The following TENT2 variants were observed in gnomAD, a reference collection of about 807,000 sequenced individuals.
The protein encoded by TENT2 is terminal nucleotidyltransferase 2.
Under a neutral mutation model 72.2 loss-of-function variants are expected in TENT2, and 44 were observed. The observed-to-expected ratio is 0.61, with a 90% CI of 0.48 to 0.78. The LOEUF (loss-of-function observed/expected upper bound fraction) is 0.78. Among genes scored for constraint, TENT2 ranks in the 30% least tolerant of loss-of-function variants. The pLI, the probability that TENT2 is intolerant of heterozygous loss-of-function variation, is 0.00. For synonymous variants in TENT2, 212 were observed against 192.5 expected (o/e 1.10, Z -0.84); for missense variants, 541 against 569.6 (o/e 0.95, Z 0.51).
chr5:79,679,126 G>C (rs1008364000), intron 12 of TENT2, among the ~76,000 whole-genome samples: 3 of 152,062 alleles, frequency 2.0e-5, no homozygotes, highest in Non-Finnish European at 4.4e-5. Context: ...GGCTGGTCTT[G>C]AACTCTTAAC....
intron 12 of TENT2, among the ~76,000 whole-genome samples, chr5:79,677,708 C>G (rs941634037): frequency 2.0e-5 from 3 of 152,124 alleles, no homozygotes; most frequent in African/African-American, 7.2e-5. Flanking sequence ...ACCTTGTTTG[C>G]TTCAGGTTTG....
chr5:79,623,238 T>C lies in TENT2; in HGVS notation c.228-14T>C, dbSNP rs1436297608. The C allele has an allele frequency of 6.3e-7, 1 of 1,593,142 alleles. No homozygotes were observed. Among genetic ancestry groups the C allele is most frequent in the Admixed American group, 1.7e-5 (1 of 57,600 alleles). On this transcript the variant is annotated splice_polypyrimidine_tract_variant and intron_variant, in intron 3 of 14. Transcript: ENST00000453514. The stretch of plus-strand genomic sequence containing the variant: ...TTGTATCTTTAATTACTAAGGTATA[T>C]TGCTTGTTTTCAGGAGATTAAGCGA...
chr5:79,632,201 G>C lies in TENT2; in HGVS notation c.466-8650G>C, dbSNP rs567860570. Among the ~76,000 whole-genome samples the C allele has an allele frequency of 2.0e-5, 3 of 152,308 alleles. No individual in the cohort carries two copies. In the South Asian group the frequency reaches 6.2e-4, roughly 32 times the overall value. ...ATGAATTCATTAATAATAATAGTGA[G>C]TCAGTCAGCTGAATCTGCCAGCTCC... On this transcript the variant is annotated intron_variant, in intron 4 of 14. Transcript: ENST00000453514.
intron 7 of TENT2, among the ~76,000 whole-genome samples, chr5:79,643,873 T>C (rs1365724066): frequency 1.3e-5 from 2 of 152,172 alleles, no homozygotes; most frequent in South Asian, 2.1e-4. Flanking sequence ...GTAACTTGCC[T>C]GGAGTATAGT....
At chr5:79,621,903 T>C (rs1164710961) in intron 3 of TENT2, among the ~76,000 whole-genome samples, 1 of 152,228 alleles carries the variant, frequency 6.6e-6, no homozygotes, top group Non-Finnish European at 1.5e-5. Flanking sequence ...AAATATACTT[T>C]TATGCATTTA....
chr5:79,643,134 TG>T, intron 7 of TENT2: 3 of 273,884 alleles, frequency 1.1e-5, no homozygotes, highest in Non-Finnish European at 1.7e-5. Context: ...CCTGCTGCAG[TG>T]GGGGGGATTC....
intron 14 of TENT2, among the ~76,000 whole-genome samples, chr5:79,684,577 C>G (rs1825120910): frequency 6.6e-6 from 1 of 152,118 alleles, no homozygotes; most frequent in Non-Finnish European, 1.5e-5. Flanking sequence ...GTTTTTAATG[C>G]AAAAAGCTAG....
intron 12 of TENT2, among the ~76,000 whole-genome samples, chr5:79,671,128 A>T (rs538953172): frequency 2.6e-5 from 4 of 152,222 alleles, no homozygotes; most frequent in African/African-American, 9.6e-5. Flanking sequence ...AAGATAGTGG[A>T]TGTGTAGGTT....
At chr5:79,665,788 T>C (rs1270962042) in intron 11 of TENT2, among the ~76,000 whole-genome samples, 2 of 152,160 alleles carry the variant, frequency 1.3e-5, no homozygotes, top group Non-Finnish European at 2.9e-5. Flanking sequence ...ATCAGTTTAA[T>C]TGCTATTCTG....
chr5:79,670,517 G>A (rs1005707129), intron 12 of TENT2, among the ~76,000 whole-genome samples: 5 of 151,712 alleles, frequency 3.3e-5, no homozygotes, highest in South Asian at 2.1e-4. Context: ...TAGAGATGGG[G>A]TTTCATCATA....
chr5:79,649,245 G>T (rs1394843679), intron 10 of TENT2, 55 bp downstream of exon 10: 1 of 1,528,460 alleles, frequency 6.5e-7, no homozygotes. Flanking sequence ...GCTTTATTAT[G>T]GTGTCTTCTC....
At chr5:79,679,799 T>G in intron 13 of TENT2, 129 bp downstream of exon 13, 4 of 504,800 alleles carry the variant, frequency 7.9e-6, no homozygotes, top group Non-Finnish European at 1.2e-5. Flanking sequence ...TAGTTTAAAA[T>G]TTTTAATTTT....
chr5:79,653,366 A>T (rs894780743), intron 10 of TENT2, among the ~76,000 whole-genome samples: 5 of 151,974 alleles, frequency 3.3e-5, no homozygotes, highest in African/African-American at 9.7e-5. Flanking sequence ...GGTGGCACAT[A>T]TCGTTAGTCC....
rs1187751059 is a variant in TENT2, at chr5:79,685,420, A to G, written c.*147A>G. On this transcript the variant is annotated 3_prime_UTR_variant, in exon 15 of 15. Coordinates refer to ENST00000453514, the MANE Select transcript of TENT2 (RefSeq NM_001114394.3). ...TTAAAAAGACATATAAAGATTGCAT[A>G]TTTTATTATGACATTTCCTAATAAA... The G allele has an allele frequency of 2.0e-6, 1 of 503,742 alleles. No homozygotes were observed. Among genetic ancestry groups the G allele is most frequent in the Non-Finnish European group, 3.3e-6 (1 of 300,172 alleles). The allele number at this position is 503,742 out of a possible 1,614,324, so 31.2% of individuals were successfully genotyped here.
intron 10 of TENT2, among the ~76,000 whole-genome samples, chr5:79,655,617 A>G (rs1031764661): frequency 3.9e-5 from 6 of 152,034 alleles, no homozygotes; most frequent in African/African-American, 1.4e-4. Flanking sequence ...AGACATTTAG[A>G]ATTAAAGTGA....
In TENT2 at chr5:79,679,575, A is replaced by G. The variant is rs760212387; in HGVS notation, c.1209-4A>G. 3 of 1,579,752 alleles carry G rather than the reference A, an allele frequency of 1.9e-6. No individual in the cohort carries two copies. Among genetic ancestry groups the G allele is most frequent in the Non-Finnish European group, 2.6e-6 (3 of 1,161,002 alleles). On this transcript the variant is annotated splice_polypyrimidine_tract_variant and splice_region_variant and intron_variant, in intron 12 of 14. Transcript: ENST00000453514. ...TAACATGGTTACTGTTTTTCTTCTTATAGCTGGAATAGTCAAATGATTTCA... is the reference window on the plus strand; with the variant it reads ...TAACATGGTTACTGTTTTTCTTCTTGTAGCTGGAATAGTCAAATGATTTCA...
At chr5:79,659,031 TC>T (rs1314671976) in intron 11 of TENT2, among the ~76,000 whole-genome samples, 1 of 152,164 alleles carries the variant, frequency 6.6e-6, no homozygotes, top group Non-Finnish European at 1.5e-5. Flanking sequence ...ATTAGGAATC[TC>T]CTAATTTGCA....
Position 79,652,001 on chromosome 5 carries a change from A to G in TENT2, c.1027+2811A>G, listed in dbSNP as rs938233243. Among the ~76,000 whole-genome samples the G allele has an allele frequency of 5.9e-5, 9 of 152,116 alleles. 1 individual carries two copies. The highest frequency in any genetic ancestry group is 5.9e-5 in the Non-Finnish European group (4 of 67,954). ...AATATTCTTAAATTGGCAGTTTTTA[A>G]TAATGACAAAATGGAATACACAATC... On this transcript the variant is annotated intron_variant, in intron 10 of 14. Coordinates refer to ENST00000453514, the MANE Select transcript of TENT2 (RefSeq NM_001114394.3).
intron 6 of TENT2, among the ~76,000 whole-genome samples, chr5:79,642,311 C>T (rs898650029): frequency 2.6e-5 from 4 of 151,930 alleles, no homozygotes; most frequent in Admixed American, 6.6e-5. Flanking sequence ...AAAAAACTCA[C>T]ATTATAAACA....
Sources: allele counts gnomAD v4.1 joint callset (sites outside exome capture counted in the v4.1 genomes callset), GRCh38; gene constraint gnomAD v4.1.1; transcripts MANE v1.5; gene names NCBI Gene and HGNC (gene_info 2026-07-23, HGNC 2026-07-21).